Variants in DRGX observed in about 807,000 individuals in gnomAD.
DRGX encodes dorsal root ganglia homeobox, also known as dorsal root ganglia homeobox protein.
In DRGX, 21 loss-of-function variants were observed where a neutral mutation model predicts 28.6. The ratio of observed to expected loss-of-function variants is 0.73; its 90% CI spans 0.52 to 1.06. DRGX has a LOEUF of 1.06. Ranked by LOEUF, DRGX falls within the 50% of genes least tolerant of loss-of-function variation. The pLI is 0.00. For missense variants in DRGX, 354 were observed against 343.9 expected, an observed-to-expected ratio of 1.03 and a Z score of -0.23; for synonymous variants, 136 against 139.1, an observed-to-expected ratio of 0.98 and a Z score of 0.16.
chr10:49,370,424 T>G (rs920432040), intron 6 of DRGX, among the ~76,000 whole-genome samples: 1 of 152,120 alleles, frequency 6.6e-6, no homozygotes, highest in African/African-American at 2.4e-5. Flanking sequence ...AAAAGAGCCT[T>G]GGGCACACAG....
chr10:49,388,961 C>T (rs1849870112), intron 4 of DRGX, among the ~76,000 whole-genome samples: 1 of 152,168 alleles, frequency 6.6e-6, no homozygotes, highest in Non-Finnish European at 1.5e-5. Flanking sequence ...CCTATCTTAC[C>T]CTTGCACCTT....
chr10:49,373,579 A>G (rs1272625398), intron 6 of DRGX, among the ~76,000 whole-genome samples: 1 of 152,192 alleles, frequency 6.6e-6, no homozygotes, highest in Non-Finnish European at 1.5e-5. Context: ...AAGAGACCCC[A>G]GAGGGTTGCC....
chr10:49,392,287 T>C (rs939896436), intron 2 of DRGX, among the ~76,000 whole-genome samples: 5 of 152,240 alleles, frequency 3.3e-5, no homozygotes, highest in African/African-American at 1.2e-4. Flanking sequence ...GTCTCAAAGA[T>C]TGAAAGTCCT....
chr10:49,366,363 C>T lies in DRGX; in HGVS notation c.545G>A (p.Cys182Tyr). The change falls in exon 7 of 7, where the codon TGC (cysteine) becomes TAC (tyrosine). Residue 182 changes from cysteine to tyrosine, a missense_variant. Physicochemically the swap from Cys to Tyr is radical, Grantham distance 194. Coordinates refer to ENST00000374139, the MANE Select transcript of DRGX (RefSeq NM_001276451.2). ...ASLKGGPLCS[C>Y]CVPDPMGLSF... is the part of the protein sequence containing the mutation. ...GAGTCCCATGGGGTCTGGGACGCAG[C>T]AAGAGCACAGTGGGCCCCCTGGAAA... is the stretch of plus-strand genomic sequence containing the variant. The T allele has an allele frequency of 6.2e-7, 1 of 1,608,746 alleles. No homozygotes were observed. The highest frequency in any genetic ancestry group is 8.5e-7 in the Non-Finnish European group (1 of 1,176,040).
At chr10:49,395,566 C>G in intron 1 of DRGX, 45 bp from the exon 2 acceptor site, 1 of 1,199,958 alleles carries the variant, frequency 8.3e-7, no homozygotes, top group Non-Finnish European at 1.2e-6. Context: ...CCTCTGCCAG[C>G]GCTCCCGCCC....
At chr10:49,391,755 A>G in intron 2 of DRGX, 1 of 475,502 alleles carries the variant, frequency 2.1e-6, no homozygotes, top group South Asian at 1.5e-5. Flanking sequence ...GAAAGAAAAC[A>G]CCAAGAGCTT....
chr10:49,379,308 T>G (rs1183009792), intron 6 of DRGX, among the ~76,000 whole-genome samples: 1 of 152,102 alleles, frequency 6.6e-6, no homozygotes, highest in African/African-American at 2.4e-5. Flanking sequence ...GAGTGTGGAG[T>G]GCAAGCAAGG....
Position 49,364,655 on chromosome 10 carries a change from G to A in DRGX, c.*1461C>T, listed in dbSNP as rs1002846304. The A allele has an allele frequency of 6.6e-6, 1 of 152,068 alleles. No individual in the cohort carries two copies. The highest frequency in any genetic ancestry group is 1.5e-5 in the Non-Finnish European group (1 of 68,018). The allele number at this position is 152,068 out of a possible 1,614,324, so 9.4% of individuals were successfully genotyped here. ...ATACTCAACAAGCAAAATACAGCAG[G>A]AAGAAGGATTTGATTTTTTTCTTTA... is the stretch of plus-strand genomic sequence containing the variant. On this transcript the variant is annotated 3_prime_UTR_variant, in exon 7 of 7. Transcript: ENST00000374139.
intron 6 of DRGX, among the ~76,000 whole-genome samples, chr10:49,383,882 A>C (rs963549777): frequency 3.9e-5 from 6 of 152,288 alleles, no homozygotes; most frequent in African/African-American, 1.4e-4. Flanking sequence ...GCCACCCAGC[A>C]TAGGGCACTG....
chr10:49,390,407 C>T (rs1436883526), intron 3 of DRGX, among the ~76,000 whole-genome samples, 173 bp from the exon 4 acceptor site: 1 of 152,100 alleles, frequency 6.6e-6, no homozygotes, highest in Non-Finnish European at 1.5e-5. Flanking sequence ...GAATTTCAAC[C>T]GCGGATGACT....
rs1027732619 is a variant in DRGX, at chr10:49,391,416, C to A, written c.35-155G>T. 2.2e-5 allele frequency: 14 copies of A among 643,556 alleles called. No individual in the cohort carries two copies. The African/African-American group carries it at 2.4e-4, about 11-fold the overall frequency. 39.9% of individuals were successfully genotyped at this position (643,556 alleles called of 1,614,324 possible). A position where few individuals can be genotyped will look rare whatever the true frequency, so the allele number is the denominator to read the frequency against. On this transcript the variant is annotated intron_variant, in intron 2 of 6. Coordinates refer to ENST00000374139, the MANE Select transcript of DRGX (RefSeq NM_001276451.2). Reference sequence around the variant, plus strand: ...TCTGTTCCTCCTATTAAATCCTCCTCTTTTCCACTCTGTCCCCAAAACCTC... The same window carrying A: ...TCTGTTCCTCCTATTAAATCCTCCTATTTTCCACTCTGTCCCCAAAACCTC...
intron 2 of DRGX, among the ~76,000 whole-genome samples, chr10:49,394,974 G>C (rs562985159): frequency 2.0e-5 from 3 of 152,250 alleles, no homozygotes; most frequent in Non-Finnish European, 4.4e-5. Context: ...GCAGCCCAGC[G>C]ACGGGCCCTT....
At chr10:49,383,467 A>C (rs1401611361) in intron 6 of DRGX, among the ~76,000 whole-genome samples, 1 of 152,182 alleles carries the variant, frequency 6.6e-6, no homozygotes, top group African/African-American at 2.4e-5. Flanking sequence ...CAGAAAGCAG[A>C]AATGGGACAC....
intron 2 of DRGX, among the ~76,000 whole-genome samples, chr10:49,394,769 CTGGGGAG>C (rs543722288): frequency 1.1e-3 from 160 of 152,302 alleles, no homozygotes; most frequent in African/African-American, 3.6e-3. Flanking sequence ...AAATTCTGGC[CTGGGGAG>C]TGGGGAGTGG....
At chr10:49,376,658 G>A (rs1403670341) in intron 6 of DRGX, among the ~76,000 whole-genome samples, 2 of 152,194 alleles carry the variant, frequency 1.3e-5, no homozygotes, top group African/African-American at 4.8e-5. Context: ...CATTAGGTAT[G>A]GCTGTTACAG....
At chr10:49,373,023 G>A (rs1247572851) in intron 6 of DRGX, among the ~76,000 whole-genome samples, 1 of 152,034 alleles carries the variant, frequency 6.6e-6, no homozygotes, top group Non-Finnish European at 1.5e-5. Flanking sequence ...GCTCACTTCA[G>A]CAGCACATGC....
rs1849886567 is a variant in DRGX, at chr10:49,390,252, T to A, written c.133-18A>T. 1 of 1,594,062 alleles carries A rather than the reference T, an allele frequency of 6.3e-7. No individual in the cohort carries two copies. The highest frequency in any genetic ancestry group is 1.3e-5 in the African/African-American group (1 of 74,378). On this transcript the variant is annotated intron_variant, in intron 3 of 6. Transcript: ENST00000374139. ...GCTTCCAGCTGGTAAAAGGAAAAAA[T>A]ATGTACTGGTGAGAGGCTGTGGCTA... is the stretch of plus-strand genomic sequence containing the variant.
intron 6 of DRGX, among the ~76,000 whole-genome samples, chr10:49,374,448 G>C (rs151251583): frequency 6.6e-6 from 1 of 152,256 alleles, no homozygotes; most frequent in Non-Finnish European, 1.5e-5. Context: ...AAAAGGCCAT[G>C]ACTCCCTTCC....
intron 6 of DRGX, among the ~76,000 whole-genome samples, chr10:49,378,253 A>T (rs568793653): frequency 2.7e-5 from 4 of 149,360 alleles, no homozygotes; most frequent in African/African-American, 5.1e-5. Flanking sequence ...GGGTATCTTT[A>T]AAAAAAAAGG....
Sources: gnomAD v4.1 joint callset for allele counts (sites outside exome capture counted in the v4.1 genomes callset) on GRCh38, gnomAD v4.1.1 for gene constraint, MANE v1.5 for transcripts, NCBI Gene and HGNC (gene_info 2026-07-23, HGNC 2026-07-21) for gene names.